Variants in SYNCRIP observed in about 807,000 individuals in gnomAD.
The protein encoded by SYNCRIP is synaptotagmin binding cytoplasmic RNA interacting protein.
SYNCRIP carries 9 observed loss-of-function variants against 68.9 expected under a neutral mutation model. That is an observed-to-expected ratio of 0.13 (90% CI 0.08 to 0.23). The LOEUF (loss-of-function observed/expected upper bound fraction) is 0.23, where lower values mean the gene tolerates loss of function less well. Ranked by LOEUF, SYNCRIP falls within the 10% of genes least tolerant of loss-of-function variation. The probability of loss-of-function intolerance (pLI) is 1.00; values close to 1 mark genes in which losing one functional copy is unlikely to be tolerated. For missense variants in SYNCRIP, 414 were observed against 770.6 expected (o/e 0.54, Z 5.48); for synonymous variants, 258 against 254.0 (o/e 1.02, Z -0.15).
At chr6:85,637,424 CATCCATCTTGCTCAA>C in intron 4 of SYNCRIP, 68 bp from the exon 5 acceptor site, 1 of 1,003,626 alleles carries the variant, frequency 1.0e-6, no homozygotes, top group Non-Finnish European at 1.5e-6. Flanking sequence ...TAGCAGTTAA[CATCCATCTTGCTCAA>C]ATCTTTCCAA....
intron 6 of SYNCRIP, among the ~76,000 whole-genome samples, chr6:85,635,888 G>A (rs942641243): frequency 2.6e-5 from 4 of 151,910 alleles, no homozygotes; most frequent in Admixed American, 1.3e-4. Context: ...AACTCAGGAG[G>A]GAGGGAAAAA....
downstream of SYNCRIP, chr6:85,613,002 AAAGAC>A: frequency 1.3e-6 from 2 of 1,485,294 alleles, no homozygotes; most frequent in South Asian, 2.5e-5. Context: ...ATAACATTAA[AAAGAC>A]AAGCCTTAAC....
rs995340730 is a variant in SYNCRIP at position 85,615,259 on chromosome 6, G to A, written c.1369C>T (p.Pro457Ser). 12 of 1,603,290 alleles carry A rather than the reference G, an allele frequency of 7.5e-6. No individual in the cohort carries two copies. In the South Asian group the frequency reaches 7.8e-5, roughly 10 times the overall value. ...TCTTCATATCCATAATAATCTGGAGGATATCCATAACCACCTCTACCTCCA... is the reference window on the plus strand; with the variant it reads ...TCTTCATATCCATAATAATCTGGAGAATATCCATAACCACCTCTACCTCCA... ...GRGGRGGYGYPPDYYGYEDYY... is the reference protein window; with the variant it reads ...GRGGRGGYGYSPDYYGYEDYY... The change falls in exon 11 of 11, where the codon CCT becomes TCT. Residue 457 changes from proline (P) to serine (S), a missense_variant. Pro to Ser is a moderately conservative substitution (Grantham distance 74, BLOSUM62 -1). Around this residue, in one of 6 missense-constraint regions of SYNCRIP, gnomAD observed 72 missense variants for 119.8 expected, o/e 0.60. Transcript: ENST00000369622.
chr6:85,621,378 C>G (rs1022800486), intron 8 of SYNCRIP, among the ~76,000 whole-genome samples: 4 of 152,056 alleles, frequency 2.6e-5, no homozygotes, highest in African/African-American at 9.7e-5. Context: ...TTTTGGGAAG[C>G]AGGATTGCTT....
chr6:85,623,579 A>AAAAAAAAAAAAAAAAAAAAAAC (rs1554184894), intron 7 of SYNCRIP, among the ~76,000 whole-genome samples: 6 of 125,752 alleles, frequency 4.8e-5, no homozygotes, highest in Non-Finnish European at 1.1e-4. Context: ...AAAAAAAAAA[A>AAAAAAAAAAAAAAAAAAAAAAC]AAAACACTCT....
At chr6:85,641,006 CAAA>C (rs895092645) in intron 2 of SYNCRIP, among the ~76,000 whole-genome samples, 1 of 152,138 alleles carries the variant, frequency 6.6e-6, no homozygotes, top group Non-Finnish European at 1.5e-5. Flanking sequence ...TAAAAATACT[CAAA>C]AAAGTCACAT....
chr6:85,642,940 C>T (rs1176988618), upstream of SYNCRIP: 3 of 152,678 alleles, frequency 2.0e-5, no homozygotes, highest in African/African-American at 4.8e-5. Flanking sequence ...CAAACCCGAT[C>T]CAGTTCCACT....
rs1041547350 is a variant in SYNCRIP, at chr6:85,614,548, A to G, written c.*208T>C. 4 of 1,282,200 alleles carry G rather than the reference A, an allele frequency of 3.1e-6. No individual in the cohort carries two copies. The highest frequency in any genetic ancestry group is 5.3e-5 in the South Asian group (2 of 37,746). The allele number at this position is 1,282,200 out of a possible 1,614,324, so 79.4% of individuals were successfully genotyped here. A position where few individuals can be genotyped will look rare whatever the true frequency, so the allele number is the denominator to read the frequency against. The stretch of plus-strand genomic sequence containing the variant: ...TAACTATTTCTTTCAGTATCTAAGA[A>G]TATCTTTATTGAAAAAAATTAAAAA... On this transcript the variant is annotated 3_prime_UTR_variant, in exon 11 of 11. Coordinates refer to ENST00000369622, the MANE Select transcript of SYNCRIP (RefSeq NM_006372.5).
At chr6:85,633,067 A>G (rs1808000843) in intron 6 of SYNCRIP, among the ~76,000 whole-genome samples, 1 of 151,470 alleles carries the variant, frequency 6.6e-6, no homozygotes, top group South Asian at 2.1e-4. Context: ...CCTGGCTAAC[A>G]CGGTGAAACC....
At chr6:85,617,248 C>G (rs1156589724) in intron 10 of SYNCRIP, among the ~76,000 whole-genome samples, 1 of 151,064 alleles carries the variant, frequency 6.6e-6, no homozygotes, top group African/African-American at 2.4e-5. Flanking sequence ...AAGTAACATG[C>G]AATCATCCCT....
intron 8 of SYNCRIP, 117 bp from the exon 9 acceptor site, chr6:85,619,534 A>AT (rs957431583): frequency 6.4e-6 from 6 of 937,214 alleles, no homozygotes; most frequent in African/African-American, 3.6e-5. Flanking sequence ...ATGTCAGAAT[A>AT]TAAAAAAAAA....
At chr6:85,631,626 T>C (rs2128294980) in intron 6 of SYNCRIP, among the ~76,000 whole-genome samples, 1 of 152,352 alleles carries the variant, frequency 6.6e-6, no homozygotes, top group East Asian at 1.9e-4. Flanking sequence ...TGTTAGATGC[T>C]AAAATATTTT....
intron 6 of SYNCRIP, among the ~76,000 whole-genome samples, chr6:85,627,515 TA>T (rs955868015): frequency 2.0e-5 from 3 of 149,232 alleles, no homozygotes; most frequent in Non-Finnish European, 3.0e-5. Flanking sequence ...CTCTATCACC[TA>T]AAAAAAAACA....
At chr6:85,619,244 T>C (rs773610078) in intron 9 of SYNCRIP, 24 bp downstream of exon 9, 15 of 1,611,078 alleles carry the variant, frequency 9.3e-6, no homozygotes, top group Non-Finnish European at 1.3e-5. Flanking sequence ...CTGATTTAGA[T>C]GCCTGTAATT....
At chr6:85,618,239 C>A (rs1385503447) in intron 10 of SYNCRIP, among the ~76,000 whole-genome samples, 1 of 151,976 alleles carries the variant, frequency 6.6e-6, no homozygotes, top group Non-Finnish European at 1.5e-5. Context: ...CTGTAAAATA[C>A]AAAGAAAATA....
chr6:85,615,113 A>C lies in SYNCRIP; in HGVS notation c.1515T>G (p.Gly505=), dbSNP rs1171686415. The C allele has an allele frequency of 1.2e-6, 2 of 1,613,968 alleles. No individual in the cohort carries two copies. Among genetic ancestry groups the C allele is most frequent in the Non-Finnish European group, 8.5e-7 (1 of 1,180,008 alleles). The change falls in exon 11 of 11, where the codon GGT becomes GGG. Residue 505 remains glycine, a synonymous_variant. Coordinates refer to ENST00000369622, the MANE Select transcript of SYNCRIP (RefSeq NM_006372.5). ...ARGRGGRGAR[G]AAPSRGRGAA... is the part of the protein sequence containing the mutation. Reference sequence around the variant, plus strand: ...CCCCACGACCTCTGGATGGAGCAGCACCCCTTGCTCCTCTACCACCCCTTC... The same window carrying C: ...CCCCACGACCTCTGGATGGAGCAGCCCCCCTTGCTCCTCTACCACCCCTTC...
rs1185091420 is a variant in SYNCRIP at position 85,636,859 on chromosome 6, A to C, written c.666+108T>G. On this transcript the variant is annotated intron_variant, in intron 6 of 10. Coordinates refer to ENST00000369622, the MANE Select transcript of SYNCRIP (RefSeq NM_006372.5). ...ATGTGGGAAAAAAAAAACCTGCCTA[A>C]ATCAGTACTTCAAAAAATGTTTGGT... is the stretch of plus-strand genomic sequence containing the variant. 1.9e-5 allele frequency: 21 copies of C among 1,125,844 alleles called. No individual in the cohort carries two copies. The East Asian group carries it at 4.9e-4, about 26-fold the overall frequency. 69.7% of individuals were successfully genotyped at this position (1,125,844 alleles called of 1,614,324 possible).
At chr6:85,641,193 C>T in intron 2 of SYNCRIP, 99 bp downstream of exon 2, 1 of 928,864 alleles carries the variant, frequency 1.1e-6, no homozygotes, top group Non-Finnish European at 1.7e-6. Flanking sequence ...CTCCAGTACC[C>T]ACACTTATTG....
At position 85,623,583 on chromosome 6, in the gene SYNCRIP, A is replaced by AAAAAAAAAAAAAAACAAAAAAC. The variant is rs1562087872; in HGVS notation, c.802+393_802+394insGTTTTTTGTTTTTTTTTTTTTT. ...TCTCCAAAAAAAAAAAAAAAAAAAAACACTCTGCTACGGCAATACTTACTA... is the reference window on the plus strand; with the variant it reads ...TCTCCAAAAAAAAAAAAAAAAAAAAAAAAAAAAAAAAAAACAAAAAACCACTCTGCTACGGCAATACTTACTA... On this transcript the variant is annotated intron_variant, in intron 7 of 10. Coordinates refer to ENST00000369622, the MANE Select transcript of SYNCRIP (RefSeq NM_006372.5). Among the ~76,000 whole-genome samples the AAAAAAAAAAAAAAACAAAAAAC allele has an allele frequency of 1.3e-4, 19 of 143,888 alleles. 1 individual carries two copies. The highest frequency in any genetic ancestry group is 4.8e-4 in the African/African-American group (19 of 39,482). The allele number at this position is 143,888 out of a possible 152,430, so 94.4% of individuals were successfully genotyped here.
Sources: gnomAD v4.1 joint callset for allele counts (sites outside exome capture counted in the v4.1 genomes callset) on GRCh38, gnomAD v4.1.1 for gene constraint, gnomAD v4.1.1 regional missense constraint, MANE v1.5 for transcripts, NCBI Gene and HGNC (gene_info 2026-07-23, HGNC 2026-07-21) for gene names.